The following TTC7A variants were observed in gnomAD, a reference collection of about 807,000 sequenced individuals.
The protein encoded by TTC7A is tetratricopeptide repeat protein 7A.
Under a neutral mutation model 103.7 loss-of-function variants are expected in TTC7A, and 110 were observed. The ratio of observed to expected loss-of-function variants is 1.06; its 90% CI spans 0.91 to 1.24. The LOEUF (loss-of-function observed/expected upper bound fraction) is 1.24. Ranked by LOEUF, TTC7A falls within the 50% of genes most tolerant of loss-of-function variation. The probability of loss-of-function intolerance (pLI) is 0.00; values close to 1 mark genes in which losing one functional copy is unlikely to be tolerated. For missense variants in TTC7A, 1,340 were observed against 1,116.3 expected, an observed-to-expected ratio of 1.20 and a Z score of -2.86; for synonymous variants, 521 against 467.9, an observed-to-expected ratio of 1.11 and a Z score of -1.47.
At chr2:47,037,163 G>C (rs1438607269) in intron 15 of TTC7A, among the ~76,000 whole-genome samples, 3 of 151,976 alleles carry the variant, frequency 2.0e-5, no homozygotes, top group African/African-American at 4.8e-5. Context: ...CTTCAAAGCT[G>C]AACCACTCAT....
intron 2 of TTC7A, among the ~76,000 whole-genome samples, chr2:46,935,610 T>C (rs1669940164): frequency 6.6e-6 from 1 of 152,162 alleles, no homozygotes; most frequent in Admixed American, 6.5e-5. Flanking sequence ...TTTACTTTTC[T>C]AGATAGCATT....
intron 3 of TTC7A, among the ~76,000 whole-genome samples, chr2:46,974,226 C>A (rs1165699919): frequency 6.6e-6 from 1 of 152,200 alleles, no homozygotes; most frequent in African/African-American, 2.4e-5. Flanking sequence ...TAAAGATAAC[C>A]ACTTCAGTTC....
intron 16 of TTC7A, among the ~76,000 whole-genome samples, chr2:47,046,635 C>T (rs1485895445): frequency 6.6e-6 from 1 of 152,158 alleles, no homozygotes; most frequent in Admixed American, 6.5e-5. Flanking sequence ...CATAGAGACC[C>T]TACGTAGGAC....
At chr2:46,951,079 C>G (rs1214106417) in intron 2 of TTC7A, among the ~76,000 whole-genome samples, 1 of 152,150 alleles carries the variant, frequency 6.6e-6, no homozygotes, top group Non-Finnish European at 1.5e-5. Flanking sequence ...AACAGGCAAA[C>G]ATGCAGAGTT....
chr2:46,994,559 A>T (rs763774662), intron 7 of TTC7A, 45 bp downstream of exon 7: 17 of 1,596,262 alleles, frequency 1.1e-5, no homozygotes, highest in African/African-American at 8.0e-5. Flanking sequence ...CTCACATCTC[A>T]CGCAGGGTTC....
chr2:46,942,525 G>T (rs1429704303), intron 1 of TTC7A, among the ~76,000 whole-genome samples: 1 of 152,202 alleles, frequency 6.6e-6, no homozygotes, highest in Non-Finnish European at 1.5e-5. Context: ...TGAAGGCTCT[G>T]AGAGGGACAG....
chr2:47,018,860 C>A (rs1249741667), intron 11 of TTC7A, among the ~76,000 whole-genome samples: 1 of 152,112 alleles, frequency 6.6e-6, no homozygotes, highest in Non-Finnish European at 1.5e-5. Context: ...AACAAAGTGA[C>A]TTGCCCAAGG....
rs184637436 is a variant in TTC7A at position 46,924,524 on chromosome 2, A to G, written c.82+7247A>G. Among the ~76,000 whole-genome samples the G allele has an allele frequency of 3.3e-5, 5 of 152,306 alleles. No individual in the cohort carries two copies. The East Asian group carries it at 9.6e-4, about 29-fold the overall frequency. The stretch of plus-strand genomic sequence containing the variant: ...AAAATTATAAAATATATTGAGTATG[A>G]GTGTTTTGAATAGAATATGAGAAGA... On this transcript the variant is annotated intron_variant, in intron 2 of 20. Transcript: ENST00000409245.
intron 2 of TTC7A, among the ~76,000 whole-genome samples, chr2:46,953,576 A>G (rs1293558631): frequency 6.6e-6 from 1 of 152,146 alleles, no homozygotes; most frequent in East Asian, 1.9e-4. Context: ...GCTGGATGAG[A>G]AGGAGAGCTG....
chr2:47,026,383 A>G (rs1679916793), intron 14 of TTC7A, among the ~76,000 whole-genome samples: 1 of 152,182 alleles, frequency 6.6e-6, no homozygotes. Context: ...TCCTTGACCT[A>G]TCCACAAAGT....
At chr2:47,066,243 GGCC>G (rs1465669959) in intron 19 of TTC7A, 3 of 152,202 alleles carry the variant, frequency 2.0e-5, no homozygotes, top group Non-Finnish European at 4.4e-5. Context: ...GTGTGGAGCA[GGCC>G]GCCTCATTCT....
chr2:46,954,665 G>A (rs1024569169), intron 2 of TTC7A, among the ~76,000 whole-genome samples: 15 of 145,326 alleles, frequency 1.0e-4, no homozygotes, highest in Non-Finnish European at 2.1e-4. Context: ...TCCGCCTCCC[G>A]GGTTCAAGCG....
chr2:46,980,880 T>C (rs1436830205), intron 5 of TTC7A, among the ~76,000 whole-genome samples: 1 of 152,216 alleles, frequency 6.6e-6, no homozygotes. Context: ...ACTTGCTAGA[T>C]GACTGGTGTG....
chr2:47,031,155 A>AAG (rs373334743), intron 15 of TTC7A, among the ~76,000 whole-genome samples: 1 of 152,212 alleles, frequency 6.6e-6, no homozygotes, highest in Non-Finnish European at 1.5e-5. Context: ...TCAAAAAAGA[A>AAG]AGAGAGAGAG....
chr2:47,018,234 A>G (rs1489533733), intron 11 of TTC7A, among the ~76,000 whole-genome samples: 1 of 148,774 alleles, frequency 6.7e-6, no homozygotes. Flanking sequence ...CCAAGATCGC[A>G]CCACTGTACT....
chr2:46,936,389 G>A (rs981096472), upstream of TTC7A, among the ~76,000 whole-genome samples: 26 of 152,140 alleles, frequency 1.7e-4, no homozygotes, highest in Non-Finnish European at 2.6e-4. Context: ...AAAACTTTAT[G>A]AGAACTTTTC....
At chr2:46,956,372 T>G (rs1482885669) in intron 2 of TTC7A, among the ~76,000 whole-genome samples, 1 of 152,118 alleles carries the variant, frequency 6.6e-6, no homozygotes, top group Non-Finnish European at 1.5e-5. Flanking sequence ...TTCTAAGGCC[T>G]TTCACCTAAT....
chr2:46,944,002 G>T (rs1477451196), intron 1 of TTC7A, among the ~76,000 whole-genome samples: 2 of 152,130 alleles, frequency 1.3e-5, no homozygotes, highest in African/African-American at 4.8e-5. Flanking sequence ...AGCAGAGTAG[G>T]CCCCTGTACC....
intron 19 of TTC7A, among the ~76,000 whole-genome samples, chr2:47,069,797 G>A (rs972954447): frequency 2.6e-5 from 4 of 152,180 alleles, no homozygotes; most frequent in East Asian, 1.9e-4. Flanking sequence ...GTGGCGTTAG[G>A]GAGGGCCCTT....
Sources: allele counts gnomAD v4.1 joint callset (sites outside exome capture counted in the v4.1 genomes callset), GRCh38; gene constraint gnomAD v4.1.1; transcripts MANE v1.5; gene names NCBI Gene and HGNC (gene_info 2026-07-23, HGNC 2026-07-21).